Variants in NCKAP5 observed in about 807,000 individuals in gnomAD.
NCKAP5 encodes nck-associated protein 5.
A neutral mutation model predicts 167.0 loss-of-function variants in NCKAP5; 92 were observed. That is an observed-to-expected ratio of 0.55 (90% CI 0.47 to 0.66). The LOEUF (loss-of-function observed/expected upper bound fraction) is 0.66. Ranked by LOEUF, NCKAP5 falls within the 30% of genes least tolerant of loss-of-function variation. NCKAP5 has a pLI of 0.00. For missense variants in NCKAP5, 2,378 were observed against 2,315.0 expected (o/e 1.03, Z -0.56); for synonymous variants, 891 against 877.4 (o/e 1.02, Z -0.27).
At chr2:133,659,760 T>C in the NCKAP5 span, among the ~76,000 whole-genome samples, 1 of 152,208 alleles carries the variant, frequency 6.6e-6, no homozygotes, top group South Asian at 2.1e-4. Flanking sequence ...CAGTGCATTA[T>C]ATCTTTTAAG....
At chr2:133,286,826 TC>T (rs1679178157) in intron 4 of NCKAP5, among the ~76,000 whole-genome samples, 2 of 152,106 alleles carry the variant, frequency 1.3e-5, no homozygotes, top group African/African-American at 2.4e-5. Context: ...TGAAAAACTG[TC>T]TTTAGATAAA....
intron 5 of NCKAP5, among the ~76,000 whole-genome samples, chr2:133,193,406 G>A (rs563221901): frequency 1.2e-4 from 19 of 152,150 alleles, no homozygotes; most frequent in African/African-American, 4.6e-4. Flanking sequence ...ATTGGGTAAA[G>A]GGTCCTCTGG....
At chr2:133,164,643 G>A (rs2083929061) in intron 5 of NCKAP5, among the ~76,000 whole-genome samples, 1 of 152,100 alleles carries the variant, frequency 6.6e-6, no homozygotes, top group African/African-American at 2.4e-5. Flanking sequence ...TCAAGTCCAA[G>A]TTCTTGCCAC....
At chr2:132,697,035 G>A (rs1395487650) in intron 19 of NCKAP5, among the ~76,000 whole-genome samples, 1 of 90 alleles carries the variant, frequency 0.011, no homozygotes, top group African/African-American at 0.056. Context: ...CTACAGGCAT[G>A]TGCACCATAC....
chr2:132,723,956 G>T (rs979241773), intron 19 of NCKAP5, among the ~76,000 whole-genome samples: 1 of 152,190 alleles, frequency 6.6e-6, no homozygotes, highest in African/African-American at 2.4e-5. Flanking sequence ...AGGCATACAG[G>T]GTTCTAGGGT....
chr2:133,245,266 C>A (rs1016398563), intron 4 of NCKAP5, among the ~76,000 whole-genome samples: 2 of 152,128 alleles, frequency 1.3e-5, no homozygotes, highest in Non-Finnish European at 2.9e-5. Flanking sequence ...ATGCTATATT[C>A]ATTTAATGAA....
intron 19 of NCKAP5, among the ~76,000 whole-genome samples, chr2:132,709,858 A>G (rs1240826473): frequency 6.6e-6 from 1 of 152,134 alleles, no homozygotes; most frequent in Non-Finnish European, 1.5e-5. Flanking sequence ...TATTATTTTG[A>G]CATCAAAGTA....
At chr2:133,167,928 A>G (rs957568484) in intron 5 of NCKAP5, among the ~76,000 whole-genome samples, 6 of 152,204 alleles carry the variant, frequency 3.9e-5, no homozygotes, top group African/African-American at 9.7e-5. Flanking sequence ...TCATTAAGTC[A>G]GCTTCAATGC....
Position 133,221,016 on chromosome 2 carries a change from C to T in NCKAP5, c.144-7237G>A, listed in dbSNP as rs193200008. 2.7e-3 allele frequency among the ~76,000 whole-genome samples: 416 copies of T among 151,752 alleles called. 1 individual carries two copies. The highest frequency in any genetic ancestry group is 4.0e-3 in the Non-Finnish European group (275 of 68,028). On this transcript the variant is annotated intron_variant, in intron 4 of 19. Transcript: ENST00000409261. ...TATTTCTACTCATTGTTAAGTCTCA[C>T]GGTCACAAATACCCTATATATGCAA...
chr2:133,553,819 T>C (rs1482154763), intron 2 of NCKAP5, among the ~76,000 whole-genome samples: 1 of 152,244 alleles, frequency 6.6e-6, no homozygotes, highest in Non-Finnish European at 1.5e-5. Flanking sequence ...AGAATGTATA[T>C]ATTTGTTATC....
chr2:132,994,408 A>T (rs78541852), intron 6 of NCKAP5, among the ~76,000 whole-genome samples, 169 bp from the exon 7 acceptor site: 4,211 of 152,230 alleles, frequency 0.028, 148 homozygotes, highest in African/African-American at 0.089. Context: ...GTCCTTTGCA[A>T]CCATTCTTTG....
At chr2:133,088,746 G>T (rs2081077399) in intron 6 of NCKAP5, among the ~76,000 whole-genome samples, 1 of 152,106 alleles carries the variant, frequency 6.6e-6, no homozygotes, top group African/African-American at 2.4e-5. Flanking sequence ...ATACAAAGGA[G>T]AAATAAAAGG....
At chr2:133,548,201 A>G (rs896325045) in intron 2 of NCKAP5, among the ~76,000 whole-genome samples, 61 of 152,194 alleles carry the variant, frequency 4.0e-4, no homozygotes, top group African/African-American at 1.4e-3. Flanking sequence ...AGAAATGAGC[A>G]AAACCTCCAA....
chr2:133,108,513 A>G (rs1474345471), intron 6 of NCKAP5, among the ~76,000 whole-genome samples: 1 of 152,248 alleles, frequency 6.6e-6, no homozygotes, highest in Non-Finnish European at 1.5e-5. Context: ...AACTTTCACT[A>G]TTATAATGAA....
intron 2 of NCKAP5, among the ~76,000 whole-genome samples, chr2:133,533,066 G>A (rs1685488564): frequency 6.6e-6 from 1 of 152,106 alleles, no homozygotes. Context: ...ATTTCACTAG[G>A]GGCACACTCA....
At chr2:133,512,468 T>G (rs1272477087) in intron 3 of NCKAP5, among the ~76,000 whole-genome samples, 1 of 152,218 alleles carries the variant, frequency 6.6e-6, no homozygotes, top group Admixed American at 6.5e-5. Context: ...GTAATTAAAG[T>G]GTTTTTGTAA....
chr2:132,765,308 CTTT>C (rs1170247644), intron 16 of NCKAP5, among the ~76,000 whole-genome samples: 12 of 114,304 alleles, frequency 1.0e-4, no homozygotes, highest in African/African-American at 3.8e-4. Flanking sequence ...TTCTTTCTTT[CTTT>C]TTTTTTTTTT....
intron 3 of NCKAP5, among the ~76,000 whole-genome samples, chr2:133,377,444 A>C (rs1028782584): frequency 3.3e-5 from 5 of 152,194 alleles, no homozygotes; most frequent in African/African-American, 1.2e-4. Flanking sequence ...CAACAACCAC[A>C]CTTCCTAAAC....
At chr2:133,526,946 T>C (rs778779383) in intron 2 of NCKAP5, 4 of 152,210 alleles carry the variant, frequency 2.6e-5, no homozygotes, top group African/African-American at 4.8e-5. Flanking sequence ...TGTCATCTGC[T>C]AACATTAATG....
Sources: gnomAD v4.1 joint callset for allele counts (sites outside exome capture counted in the v4.1 genomes callset) on GRCh38, gnomAD v4.1.1 for gene constraint, MANE v1.5 for transcripts, NCBI Gene and HGNC (gene_info 2026-07-23, HGNC 2026-07-21) for gene names.